The following EPHB1 variants were observed in gnomAD, a reference collection of about 807,000 sequenced individuals.
EPHB1 encodes ephrin type-B receptor 1.
In EPHB1, 30 loss-of-function variants were observed where a neutral mutation model predicts 94.4. That is an observed-to-expected ratio of 0.32 (90% confidence interval 0.24 to 0.43). The LOEUF (loss-of-function observed/expected upper bound fraction) is 0.43. EPHB1 is among the 20% of genes least tolerant of loss of function. EPHB1 has a pLI of 1.00. For synonymous variants in EPHB1, 522 were observed against 489.1 expected, an observed-to-expected ratio of 1.07 and a Z score of -0.89; for missense variants, 1,055 against 1,308.3, an observed-to-expected ratio of 0.81 and a Z score of 2.99.
chr3:134,861,604 G>A (rs1396990323), intron 1 of EPHB1, among the ~76,000 whole-genome samples: 1 of 152,188 alleles, frequency 6.6e-6, no homozygotes, highest in Admixed American at 6.5e-5. Flanking sequence ...CGGAAGGGAT[G>A]GGAGCGGGGA....
At chr3:134,869,068 T>C (rs2037443175) in intron 1 of EPHB1, among the ~76,000 whole-genome samples, 1 of 152,234 alleles carries the variant, frequency 6.6e-6, no homozygotes, top group Admixed American at 6.5e-5. Context: ...ACAGTGATAC[T>C]TCACAGGGTT....
At chr3:135,111,592 C>A (rs1056134135) in intron 4 of EPHB1, among the ~76,000 whole-genome samples, 3 of 152,074 alleles carry the variant, frequency 2.0e-5, no homozygotes, top group African/African-American at 7.2e-5. Context: ...AATGTACGAG[C>A]GCATCTGTGT....
At chr3:134,882,765 C>CCTTTCTTTCTTTCTT (rs2037770071) in intron 1 of EPHB1, among the ~76,000 whole-genome samples, 20 of 79,928 alleles carry the variant, frequency 2.5e-4, no homozygotes, top group South Asian at 2.5e-3. Context: ...TTCCTTCCTT[C>CCTTTCTTTCTTTCTT]CTTTCTTTCT....
At chr3:134,935,371 C>T (rs762309100) in intron 2 of EPHB1, among the ~76,000 whole-genome samples, 1 of 152,170 alleles carries the variant, frequency 6.6e-6, no homozygotes, top group African/African-American at 2.4e-5. Flanking sequence ...GGAACTGAGC[C>T]TCTGGGATGT....
At chr3:134,864,787 A>G (rs2108305186) in intron 1 of EPHB1, among the ~76,000 whole-genome samples, 1 of 152,338 alleles carries the variant, frequency 6.6e-6, no homozygotes, top group Middle Eastern at 3.4e-3. Flanking sequence ...TCAGTGGAGC[A>G]GATGTTTTTG....
At chr3:135,074,200 T>A (rs1409163781) in intron 3 of EPHB1, among the ~76,000 whole-genome samples, 1 of 152,262 alleles carries the variant, frequency 6.6e-6, no homozygotes, top group East Asian at 1.9e-4. Context: ...TGATTCTCTG[T>A]CTTGATCAGT....
intron 3 of EPHB1, among the ~76,000 whole-genome samples, chr3:134,979,959 G>A (rs540383155): frequency 1.3e-5 from 2 of 152,224 alleles, no homozygotes; most frequent in South Asian, 4.1e-4. Flanking sequence ...AAGTCATTTG[G>A]GTTATCCCAC....
chr3:135,092,152 T>A (rs538105389), intron 3 of EPHB1, among the ~76,000 whole-genome samples: 2 of 152,158 alleles, frequency 1.3e-5, no homozygotes, highest in Non-Finnish European at 2.9e-5. Flanking sequence ...GATGGTGTTT[T>A]TAGAACACTG....
At chr3:134,817,022 G>C (rs1008279495) in intron 1 of EPHB1, among the ~76,000 whole-genome samples, 6 of 152,258 alleles carry the variant, frequency 3.9e-5, no homozygotes, top group Non-Finnish European at 8.8e-5. Context: ...ATTCCAGTTT[G>C]TGGGAAAAGG....
At chr3:135,127,250 G>C (rs956781667) in intron 4 of EPHB1, among the ~76,000 whole-genome samples, 2 of 152,218 alleles carry the variant, frequency 1.3e-5, no homozygotes, top group African/African-American at 4.8e-5. Context: ...TGCAACACGT[G>C]TTCACTTTTC....
intron 3 of EPHB1, among the ~76,000 whole-genome samples, chr3:134,991,495 C>T (rs72973600): frequency 0.036 from 5,504 of 152,230 alleles, 320 homozygotes; most frequent in African/African-American, 0.12. Flanking sequence ...ATACGGGCAT[C>T]AGCCCTGAAA....
intron 4 of EPHB1, among the ~76,000 whole-genome samples, chr3:135,119,334 T>C (rs1197425415): frequency 6.6e-6 from 1 of 152,240 alleles, no homozygotes; most frequent in Admixed American, 6.5e-5. Flanking sequence ...AATCTGACCA[T>C]CTTTTTCTTT....
intron 3 of EPHB1, among the ~76,000 whole-genome samples, chr3:135,081,712 T>C (rs944277077): frequency 1.6e-4 from 24 of 152,212 alleles, no homozygotes; most frequent in African/African-American, 5.8e-4. Flanking sequence ...GGCTTACATG[T>C]TTCCAGCCCC....
At chr3:135,100,757 T>A (rs1337784820) in intron 3 of EPHB1, among the ~76,000 whole-genome samples, 3 of 151,996 alleles carry the variant, frequency 2.0e-5, no homozygotes, top group Non-Finnish European at 4.4e-5. Flanking sequence ...GCTGAGAAGT[T>A]GGGTGGGTGT....
At chr3:134,973,300 G>A (rs1305635211) in intron 3 of EPHB1, among the ~76,000 whole-genome samples, 5 of 152,088 alleles carry the variant, frequency 3.3e-5, no homozygotes, top group Non-Finnish European at 7.3e-5. Context: ...GGGCAGGGTT[G>A]ACCAACAAGG....
intron 3 of EPHB1, among the ~76,000 whole-genome samples, chr3:135,103,868 C>T (rs913351759): frequency 1.3e-5 from 2 of 152,220 alleles, no homozygotes; most frequent in Non-Finnish European, 2.9e-5. Context: ...TTCAGAGACT[C>T]AGTCACCCAG....
At position 134,875,616 on chromosome 3, in the gene EPHB1, C is replaced by T. The variant is rs138668494; in HGVS notation, c.59-50200C>T. ...TACTTCTGAACTTTAGTTTCCACAT[C>T]GCTAAAATGTGGATAATAACTACCT... On this transcript the variant is annotated intron_variant, in intron 1 of 15. Coordinates refer to ENST00000398015, the MANE Select transcript of EPHB1 (RefSeq NM_004441.5). Among the ~76,000 whole-genome samples the T allele has an allele frequency of 8.4e-3, 1,279 of 152,260 alleles. 17 individuals are homozygous for T. Among genetic ancestry groups the T allele is most frequent in the African/African-American group, 0.029 (1,211 of 41,532 alleles).
rs1016199350 is a variant in EPHB1 at position 135,185,566 on chromosome 3, C to A, written c.1882+5584C>A. 6.6e-5 allele frequency among the ~76,000 whole-genome samples: 10 copies of A among 152,310 alleles called. No individual in the cohort carries two copies. The South Asian group carries it at 1.7e-3, about 25-fold the overall frequency. On this transcript the variant is annotated intron_variant, in intron 10 of 15. Transcript: ENST00000398015. ...ATATATCTGTATGCATGTATATTTT[C>A]TTGTAACTGGTAAGGAAATCAACAT...
Position 135,129,709 on chromosome 3 carries a change from C to A in EPHB1, c.962-3005C>A, listed in dbSNP as rs370420614. Among the ~76,000 whole-genome samples the A allele has an allele frequency of 2.2e-4, 34 of 152,290 alleles. 1 individual carries two copies. In the East Asian group the frequency reaches 6.0e-3, roughly 27 times the overall value. ...TCTGACTTAGGCACCTGGAAATGAGCTATGGAAGCCCAGATAGGGAGATCA... is the reference window on the plus strand; with the variant it reads ...TCTGACTTAGGCACCTGGAAATGAGATATGGAAGCCCAGATAGGGAGATCA... On this transcript the variant is annotated intron_variant, in intron 4 of 15. Transcript: ENST00000398015.
Sources: gnomAD v4.1 joint callset for allele counts (sites outside exome capture counted in the v4.1 genomes callset) on GRCh38, gnomAD v4.1.1 for gene constraint, MANE v1.5 for transcripts, NCBI Gene and HGNC (gene_info 2026-07-23, HGNC 2026-07-21) for gene names.